MBD5: variants seen among roughly 807,000 people sequenced by gnomAD.
The protein encoded by MBD5 is methyl-CpG binding domain protein 5, also known as methyl-CpG-binding domain protein 5.
A neutral mutation model predicts 117.3 loss-of-function variants in MBD5; 13 were observed. The observed-to-expected ratio is 0.11, with a 90% confidence interval of 0.07 to 0.18. The LOEUF (loss-of-function observed/expected upper bound fraction) is 0.18. Ranked by LOEUF, MBD5 falls within the 10% of genes least tolerant of loss-of-function variation. MBD5 has a pLI of 1.00. For missense variants in MBD5, 1,879 were observed against 2,093.8 expected, an observed-to-expected ratio of 0.90 and a Z score of 2.00; for synonymous variants, 727 against 766.4, an observed-to-expected ratio of 0.95 and a Z score of 0.85.
At position 148,293,401 on chromosome 2, in the gene MBD5, A is replaced by G. The variant is rs557270790; in HGVS notation, c.-679-48813A>G. On this transcript the variant is annotated intron_variant, in intron 3 of 13. Coordinates refer to ENST00000642680, the MANE Select transcript of MBD5 (RefSeq NM_001378120.1). ...TTAAACTTAAAGAATGTAATGGTTT[A>G]TATCTCAAAGGATAAATGCCAGAGG... Among the ~76,000 whole-genome samples the G allele has an allele frequency of 3.3e-5, 5 of 152,324 alleles. No homozygotes were observed. In the South Asian group the frequency reaches 1.0e-3, roughly 32 times the overall value.
intron 4 of MBD5, among the ~76,000 whole-genome samples, chr2:148,355,939 T>C (rs1280761110): frequency 6.6e-6 from 1 of 152,222 alleles, no homozygotes. Context: ...ATATTGGTTT[T>C]TCCTATCTAT....
Position 148,234,459 on chromosome 2 carries a change from T to C in MBD5, c.-680+1064T>C, listed in dbSNP as rs1167748832. Among the ~76,000 whole-genome samples, 8 of 152,292 alleles carry C rather than the reference T, an allele frequency of 5.3e-5. No individual in the cohort carries two copies. The East Asian group carries it at 5.8e-4, about 11-fold the overall frequency. On this transcript the variant is annotated intron_variant, in intron 3 of 13. Transcript: ENST00000642680. ...TCAAAATTAATTCTTGCTTTTCTGT[T>C]GGGGAAAATTTCATCTAATTACATT...
At chr2:148,325,255 T>G (rs1308414012) in intron 3 of MBD5, among the ~76,000 whole-genome samples, 1 of 152,218 alleles carries the variant, frequency 6.6e-6, no homozygotes, top group African/African-American at 2.4e-5. Context: ...TATTGAGGAT[T>G]TTTGCATCAA....
At chr2:148,453,430 CAT>C (rs983106174) in intron 4 of MBD5, among the ~76,000 whole-genome samples, 3 of 152,020 alleles carry the variant, frequency 2.0e-5, no homozygotes, top group African/African-American at 4.8e-5. Flanking sequence ...CACACACACA[CAT>C]GCACACAACT....
At chr2:148,230,576 GTTCCCTTTGCTT>G (rs1558982745) in intron 2 of MBD5, among the ~76,000 whole-genome samples, 3 of 152,126 alleles carry the variant, frequency 2.0e-5, no homozygotes, top group African/African-American at 7.2e-5. Context: ...ACAAGACAAA[GTTCCCTTTGCTT>G]TTCCCTTTGA....
chr2:148,162,735 A>G (rs951846158), intron 1 of MBD5, among the ~76,000 whole-genome samples: 11 of 152,018 alleles, frequency 7.2e-5, no homozygotes, highest in African/African-American at 2.4e-4. Context: ...CTAACAAACA[A>G]AAAAGAATAT....
chr2:148,426,619 A>T (rs956151001), intron 4 of MBD5, among the ~76,000 whole-genome samples: 13 of 152,156 alleles, frequency 8.5e-5, no homozygotes, highest in Non-Finnish European at 1.6e-4. Flanking sequence ...CTGAAACTGG[A>T]TCCCTTCCTT....
intron 3 of MBD5, among the ~76,000 whole-genome samples, chr2:148,325,099 GT>G (rs1465181608): frequency 5.3e-5 from 8 of 152,192 alleles, no homozygotes; most frequent in Non-Finnish European, 8.8e-5. Context: ...TAATCATGTG[GT>G]TTTTGTCTTT....
chr2:148,208,898 G>T (rs1325890367), intron 2 of MBD5, among the ~76,000 whole-genome samples: 1 of 151,904 alleles, frequency 6.6e-6, no homozygotes, highest in Admixed American at 6.6e-5. Context: ...TATAATCAAA[G>T]GAATTTATTT....
At chr2:148,022,540 C>T (rs1693783421) in intron 1 of MBD5, among the ~76,000 whole-genome samples, 1 of 152,144 alleles carries the variant, frequency 6.6e-6, no homozygotes, top group South Asian at 2.1e-4. Flanking sequence ...AACAAGTAAT[C>T]CCCATTGAAA....
At chr2:148,061,384 A>G (rs1695030078) in intron 1 of MBD5, among the ~76,000 whole-genome samples, 1 of 151,984 alleles carries the variant, frequency 6.6e-6, no homozygotes, top group Non-Finnish European at 1.5e-5. Context: ...AAATTAGAAG[A>G]GTTTGGCACA....
chr2:148,385,965 T>TGGGGGGA (rs1378991379), intron 4 of MBD5, among the ~76,000 whole-genome samples: 2 of 54,106 alleles, frequency 3.7e-5, no homozygotes, highest in African/African-American at 7.7e-5. Context: ...TGTTGTGGGG[T>TGGGGGGA]GGGGGGAGGG....
intron 1 of MBD5, among the ~76,000 whole-genome samples, chr2:148,056,482 A>G (rs1694866838): frequency 6.6e-6 from 1 of 152,038 alleles, no homozygotes. Flanking sequence ...TATTATATTT[A>G]GACAGCTCAA....
intron 12 of MBD5, among the ~76,000 whole-genome samples, chr2:148,506,938 C>A (rs1370093086): frequency 6.6e-6 from 1 of 152,080 alleles, no homozygotes; most frequent in Non-Finnish European, 1.5e-5. Flanking sequence ...TTCATTCTTC[C>A]CTGACCTGAC....
intron 4 of MBD5, among the ~76,000 whole-genome samples, chr2:148,360,297 A>C (rs574640506): frequency 1.3e-5 from 2 of 152,266 alleles, no homozygotes; most frequent in African/African-American, 4.8e-5. Context: ...TTTTTCCCTA[A>C]AGTGCATATA....
chr2:148,217,577 A>T (rs1032521758), intron 2 of MBD5, among the ~76,000 whole-genome samples: 1 of 152,230 alleles, frequency 6.6e-6, no homozygotes, highest in East Asian at 1.9e-4. Context: ...CCATGTTTTC[A>T]TAAGATGTCT....
At chr2:148,210,778 A>G (rs1450512767) in intron 2 of MBD5, among the ~76,000 whole-genome samples, 1 of 152,164 alleles carries the variant, frequency 6.6e-6, no homozygotes, top group East Asian at 1.9e-4. Flanking sequence ...TTTATTTTCT[A>G]TGAATATTAA....
intron 4 of MBD5, among the ~76,000 whole-genome samples, chr2:148,364,398 T>C (rs1286230805): frequency 3.3e-5 from 5 of 152,148 alleles, no homozygotes; most frequent in African/African-American, 1.2e-4. Flanking sequence ...ACATACCAAA[T>C]TGTAAAGACC....
chr2:148,507,487 C>T (rs1682069176), intron 12 of MBD5, among the ~76,000 whole-genome samples: 1 of 152,130 alleles, frequency 6.6e-6, no homozygotes, highest in South Asian at 2.1e-4. Flanking sequence ...GGGCCGGGCG[C>T]GGTGGCTCAC....
Sources: gnomAD v4.1 joint callset for allele counts (sites outside exome capture counted in the v4.1 genomes callset) on GRCh38, gnomAD v4.1.1 for gene constraint, MANE v1.5 for transcripts, NCBI Gene and HGNC (gene_info 2026-07-23, HGNC 2026-07-21) for gene names.